Variants in SELENOF observed in about 807,000 individuals in gnomAD.
The protein encoded by SELENOF is selenoprotein F.
A neutral mutation model predicts 20.5 loss-of-function variants in SELENOF; 16 were observed. The ratio of observed to expected loss-of-function variants is 0.78; its 90% CI spans 0.53 to 1.19. The LOEUF (loss-of-function observed/expected upper bound fraction) is 1.19. Ranked by LOEUF, SELENOF falls within the 50% of genes most tolerant of loss-of-function variation. The probability of loss-of-function intolerance (pLI) is 0.00; values close to 1 mark genes in which losing one functional copy is unlikely to be tolerated. For synonymous variants in SELENOF, 78 were observed against 74.5 expected (o/e 1.05, Z -0.24); for missense variants, 215 against 194.2 (o/e 1.11, Z -0.64).
intron 2 of SELENOF, among the ~76,000 whole-genome samples, chr1:86,884,721 G>T (rs1006894312): frequency 1.3e-5 from 2 of 152,126 alleles, no homozygotes; most frequent in African/African-American, 4.8e-5. Context: ...ACCATTACAA[G>T]AGAAAAATCA....
chr1:86,874,800 T>G (rs1430951599), intron 3 of SELENOF, among the ~76,000 whole-genome samples: 1 of 152,200 alleles, frequency 6.6e-6, no homozygotes, highest in Non-Finnish European at 1.5e-5. Flanking sequence ...TAGAAATAAG[T>G]ATATTTGAAT....
intron 3 of SELENOF, among the ~76,000 whole-genome samples, chr1:86,875,558 A>G (rs566399517): frequency 5.3e-5 from 8 of 152,258 alleles, no homozygotes; most frequent in Non-Finnish European, 1.0e-4. Context: ...GATAAATTTA[A>G]TAAATCAGTG....
chr1:86,893,795 T>TA (rs149325541), intron 2 of SELENOF, among the ~76,000 whole-genome samples: 3,857 of 152,062 alleles, frequency 0.025, 85 homozygotes, highest in African/African-American at 0.055. Context: ...GTAATACATA[T>TA]AAAAAAATGA....
intron 1 of SELENOF, among the ~76,000 whole-genome samples, chr1:86,903,899 C>G (rs1176598988): frequency 3.3e-5 from 5 of 152,336 alleles, no homozygotes; most frequent in Admixed American, 6.5e-5. Flanking sequence ...TTCTTAAACT[C>G]TGTAACCTTA....
intron 4 of SELENOF, 43 bp from the exon 5 acceptor site, chr1:86,863,648 C>T (rs1200874006): frequency 2.5e-6 from 4 of 1,598,184 alleles, no homozygotes; most frequent in Non-Finnish European, 3.4e-6. Flanking sequence ...TGTTCAGAAA[C>T]AACCTTCTCA....
intron 2 of SELENOF, among the ~76,000 whole-genome samples, chr1:86,898,790 T>C (rs1659594881): frequency 6.6e-6 from 1 of 151,964 alleles, no homozygotes; most frequent in South Asian, 2.1e-4. Flanking sequence ...TTTTTAATTT[T>C]CATTTTTATT....
At chr1:86,910,443 C>T (rs1295529918) in intron 1 of SELENOF, among the ~76,000 whole-genome samples, 3 of 152,096 alleles carry the variant, frequency 2.0e-5, no homozygotes, top group Non-Finnish European at 4.4e-5. Flanking sequence ...CGGTGGCTCA[C>T]GCCTGTAATC....
intron 2 of SELENOF, chr1:86,887,085 G>A: frequency 7.0e-7 from 1 of 1,431,538 alleles, no homozygotes. Context: ...GTGATCTACT[G>A]GTGTTTTAAA....
chr1:86,910,486 A>G (rs1449372014), intron 1 of SELENOF, among the ~76,000 whole-genome samples: 1 of 151,820 alleles, frequency 6.6e-6, no homozygotes, highest in African/African-American at 2.4e-5. Flanking sequence ...CAGGCAGATC[A>G]TGAGGTCAAG....
intron 2 of SELENOF, among the ~76,000 whole-genome samples, chr1:86,901,525 C>T (rs1570403963): frequency 6.6e-6 from 1 of 151,498 alleles, no homozygotes; most frequent in South Asian, 2.1e-4. Context: ...AAGTTAAAAA[C>T]ACTGGATTCA....
intron 2 of SELENOF, among the ~76,000 whole-genome samples, chr1:86,900,270 C>A (rs1187655429): frequency 6.6e-6 from 1 of 152,030 alleles, no homozygotes; most frequent in African/African-American, 2.4e-5. Flanking sequence ...GAGCCGAGAT[C>A]ACGCCACTGC....
At chr1:86,909,981 T>G (rs1659936150) in intron 1 of SELENOF, among the ~76,000 whole-genome samples, 1 of 152,156 alleles carries the variant, frequency 6.6e-6, no homozygotes, top group South Asian at 2.1e-4. Context: ...AATGCGAGAC[T>G]TCGTCTCAAA....
At chr1:86,880,153 T>TG (rs1214215578) in intron 3 of SELENOF, among the ~76,000 whole-genome samples, 2 of 151,932 alleles carry the variant, frequency 1.3e-5, no homozygotes, top group African/African-American at 4.8e-5. Context: ...TTTTTTTTTT[T>TG]GAGACAGAGT....
intron 3 of SELENOF, among the ~76,000 whole-genome samples, chr1:86,873,562 A>C (rs1314835185): frequency 6.6e-6 from 1 of 152,178 alleles, no homozygotes; most frequent in Non-Finnish European, 1.5e-5. Flanking sequence ...ATAATTTTAA[A>C]AAATTAGGCT....
chr1:86,887,117 T>C, intron 2 of SELENOF: 4 of 1,484,222 alleles, frequency 2.7e-6, no homozygotes, highest in Non-Finnish European at 3.6e-6. Context: ...TCTTCAAGTC[T>C]TCCCCATACT....
chr1:86,889,621 C>A (rs907050178), intron 2 of SELENOF, among the ~76,000 whole-genome samples: 4 of 151,998 alleles, frequency 2.6e-5, no homozygotes, highest in South Asian at 4.2e-4. Context: ...ACAACAACAA[C>A]AAAAAAACTA....
chr1:86,899,524 CGGCTGGCCGGGCGGGG>C (rs1247429744), intron 2 of SELENOF, among the ~76,000 whole-genome samples: 1 of 146,552 alleles, frequency 6.8e-6, no homozygotes. Flanking sequence ...CCGGACGGGG[CGGCTGGCCGGGCGGGG>C]GGCTGACCCC....
At chr1:86,887,347 T>A (rs1203700860) in intron 2 of SELENOF, among the ~76,000 whole-genome samples, 2 of 152,220 alleles carry the variant, frequency 1.3e-5, no homozygotes, top group African/African-American at 4.8e-5. Context: ...AATGAGTTTA[T>A]GCCTAAGGAA....
At chr1:86,914,193 A>T (rs539860505), upstream of SELENOF, 1,048 of 1,242,994 alleles carry the variant, frequency 8.4e-4, 2 homozygotes, top group Admixed American at 1.4e-3. Context: ...CAGAACGCTA[A>T]CGGCCGTTGC....
Sources: gnomAD v4.1 joint callset for allele counts (sites outside exome capture counted in the v4.1 genomes callset) on GRCh38, gnomAD v4.1.1 for gene constraint, MANE v1.5 for transcripts, NCBI Gene and HGNC (gene_info 2026-07-23, HGNC 2026-07-21) for gene names.